Variants in XPO7 observed in about 807,000 individuals in gnomAD.
XPO7 encodes exportin 7.
XPO7 carries 21 observed loss-of-function variants against 144.3 expected under a neutral mutation model. The ratio of observed to expected loss-of-function variants is 0.15; its 90% CI spans 0.10 to 0.21. XPO7 has a LOEUF of 0.21. XPO7 is among the 10% of genes least tolerant of loss of function. XPO7 has a pLI of 1.00. For synonymous variants in XPO7, 580 were observed against 499.6 expected, an observed-to-expected ratio of 1.16 and a Z score of -2.15; for missense variants, 808 against 1,325.8, an observed-to-expected ratio of 0.61 and a Z score of 6.06.
intron 1 of XPO7, among the ~76,000 whole-genome samples, chr8:21,946,484 A>G (rs1811190935): frequency 6.6e-6 from 1 of 151,798 alleles, no homozygotes; most frequent in Non-Finnish European, 1.5e-5. Flanking sequence ...GCGACAAAGG[A>G]CATGAAAACT....
At chr8:21,949,919 T>C (rs1431587151) in intron 1 of XPO7, among the ~76,000 whole-genome samples, 1 of 152,244 alleles carries the variant, frequency 6.6e-6, no homozygotes, top group Non-Finnish European at 1.5e-5. Context: ...GAGACAGGGT[T>C]TCGCCATGTT....
At chr8:21,926,310 A>T (rs1042544885) in intron 1 of XPO7, among the ~76,000 whole-genome samples, 16 of 152,288 alleles carry the variant, frequency 1.1e-4, no homozygotes, top group Admixed American at 7.2e-4. Flanking sequence ...ACACATGCTG[A>T]TCTCATTGGT....
chr8:21,927,610 A>G (rs1172370106), intron 1 of XPO7, among the ~76,000 whole-genome samples: 2 of 148,826 alleles, frequency 1.3e-5, no homozygotes, highest in African/African-American at 2.5e-5. Flanking sequence ...CAGTGGCGCA[A>G]TCTCGGCTCA....
chr8:21,930,580 C>CTAT (rs1810611089), intron 1 of XPO7, among the ~76,000 whole-genome samples: 1 of 152,082 alleles, frequency 6.6e-6, no homozygotes, highest in Non-Finnish European at 1.5e-5. Flanking sequence ...ATAGATAAAG[C>CTAT]TATATGTATG....
intron 7 of XPO7, 31 bp downstream of exon 7, chr8:21,976,552 T>C: frequency 6.3e-7 from 1 of 1,597,324 alleles, no homozygotes; most frequent in South Asian, 1.1e-5. Flanking sequence ...TCAAAGGCTG[T>C]CTGTCACTCC....
At chr8:21,978,533 A>G (rs1443261634) in intron 8 of XPO7, among the ~76,000 whole-genome samples, 1 of 152,206 alleles carries the variant, frequency 6.6e-6, no homozygotes, top group Non-Finnish European at 1.5e-5. Context: ...GTTCGCTGAA[A>G]CATGATTTCA....
At chr8:21,930,150 C>G (rs138970415) in intron 1 of XPO7, among the ~76,000 whole-genome samples, 164 of 152,304 alleles carry the variant, frequency 1.1e-3, no homozygotes, top group African/African-American at 3.8e-3. Flanking sequence ...GTCACATTCT[C>G]TAATTGACCA....
chr8:21,979,800 T>C (rs748483321), intron 8 of XPO7, among the ~76,000 whole-genome samples: 7 of 152,118 alleles, frequency 4.6e-5, no homozygotes, highest in Non-Finnish European at 1.0e-4. Flanking sequence ...TCTAAAACTT[T>C]AAAGTATAAA....
At chr8:22,001,237 T>C (rs1585486148) in intron 24 of XPO7, among the ~76,000 whole-genome samples, 1 of 149,930 alleles carries the variant, frequency 6.7e-6, no homozygotes, top group East Asian at 2.0e-4. Context: ...ACCCGGGAAG[T>C]AGAAGCTGTG....
At chr8:21,975,275 T>C (rs1178369586) in intron 6 of XPO7, among the ~76,000 whole-genome samples, 2 of 152,208 alleles carry the variant, frequency 1.3e-5, no homozygotes, top group African/African-American at 4.8e-5. Flanking sequence ...TAAGGAAAAG[T>C]AGATTTTGAA....
At chr8:21,990,682 C>T in intron 17 of XPO7, 129 bp from the exon 18 acceptor site, 2 of 904,900 alleles carry the variant, frequency 2.2e-6, no homozygotes, top group Non-Finnish European at 3.3e-6. Flanking sequence ...AAAAAAAAAA[C>T]CTTCAGATCC....
intron 17 of XPO7, 137 bp downstream of exon 17, chr8:21,990,544 C>A: frequency 1.0e-6 from 1 of 983,010 alleles, no homozygotes; most frequent in Non-Finnish European, 1.6e-6. Flanking sequence ...CACGATACTG[C>A]CAGATTATAC....
chr8:21,958,673 G>A (rs922583576), intron 1 of XPO7, among the ~76,000 whole-genome samples: 1 of 139,874 alleles, frequency 7.1e-6, no homozygotes, highest in African/African-American at 2.7e-5. Context: ...ACAAGGCAAA[G>A]CAAGGCCGGG....
chr8:21,986,274 C>T (rs1812576198), intron 13 of XPO7, among the ~76,000 whole-genome samples: 1 of 152,028 alleles, frequency 6.6e-6, no homozygotes, highest in Non-Finnish European at 1.5e-5. Context: ...CTGCCTCAGC[C>T]TCCCAAGTAG....
intron 1 of XPO7, among the ~76,000 whole-genome samples, chr8:21,950,041 A>G (rs924401397): frequency 1.3e-5 from 2 of 152,164 alleles, no homozygotes; most frequent in Admixed American, 1.3e-4. Flanking sequence ...TGTGTTTTTA[A>G]AAAGCACTTG....
chr8:21,951,955 G>T (rs908321127), intron 1 of XPO7, among the ~76,000 whole-genome samples: 2 of 152,182 alleles, frequency 1.3e-5, no homozygotes, highest in Non-Finnish European at 2.9e-5. Flanking sequence ...GTGATAACCA[G>T]CCCAGTCTCA....
intron 15 of XPO7, chr8:21,988,398 C>G (rs1239970510): frequency 6.4e-6 from 1 of 155,056 alleles, no homozygotes; most frequent in African/African-American, 2.5e-5. Flanking sequence ...TTTTTTTTTA[C>G]GTTATACCCC....
intron 7 of XPO7, 92 bp from the exon 8 acceptor site, chr8:21,977,678 A>G (rs1812271224): frequency 1.7e-6 from 2 of 1,159,972 alleles, no homozygotes; most frequent in African/African-American, 3.1e-5. Context: ...AGTAGGCAGA[A>G]GGATGTGCTC....
At chr8:21,992,017 A>T (rs774746151) in intron 19 of XPO7, 43 bp downstream of exon 19, 9 of 1,518,636 alleles carry the variant, frequency 5.9e-6, no homozygotes, top group South Asian at 5.9e-5. Flanking sequence ...CTTCTGGTTT[A>T]GGGCAGTCTC....
Sources: allele counts gnomAD v4.1 joint callset (sites outside exome capture counted in the v4.1 genomes callset), GRCh38; gene constraint gnomAD v4.1.1; transcripts MANE v1.5; gene names NCBI Gene and HGNC (gene_info 2026-07-23, HGNC 2026-07-21).